PEAK1: variants seen among roughly 807,000 people sequenced by gnomAD.
PEAK1 encodes pseudopodium enriched atypical kinase 1.
A neutral mutation model predicts 124.7 loss-of-function variants in PEAK1; 54 were observed. That is an observed-to-expected ratio of 0.43 (90% CI 0.35 to 0.54). The LOEUF is 0.54. PEAK1 is among the 20% of genes least tolerant of loss of function. The pLI, the probability that PEAK1 is intolerant of heterozygous loss-of-function variation, is 0.01. For synonymous variants in PEAK1, 719 were observed against 760.0 expected (o/e 0.95, Z 0.89); for missense variants, 2,046 against 2,134.5 (o/e 0.96, Z 0.82).
At chr15:77,379,879 C>T (rs927387436) in intron 1 of PEAK1, among the ~76,000 whole-genome samples, 4 of 152,104 alleles carry the variant, frequency 2.6e-5, no homozygotes, top group Non-Finnish European at 5.9e-5. Context: ...GCCATCCTAT[C>T]CAAAATGCTG....
At chr15:77,115,628 G>C (rs2051302368) in intron 9 of PEAK1, among the ~76,000 whole-genome samples, 1 of 92,960 alleles carries the variant, frequency 1.1e-5, no homozygotes, top group African/African-American at 3.0e-5. Flanking sequence ...GCAAACCTAA[G>C]TTTGTTTAAT....
At position 77,284,600 on chromosome 15, in the gene PEAK1, A is replaced by T. The variant is rs139893561; in HGVS notation, c.-423+358T>A. Among the ~76,000 whole-genome samples the T allele has an allele frequency of 5.0e-3, 755 of 152,232 alleles. 6 individuals carry two copies. Among genetic ancestry groups the T allele is most frequent in the African/African-American group, 0.017 (713 of 41,532 alleles). On this transcript the variant is annotated intron_variant, in intron 4 of 9. Coordinates refer to ENST00000682557, the MANE Select transcript of PEAK1 (RefSeq NM_001385026.1). Reference sequence around the variant, plus strand: ...TCATGTAACCTAAATTACTTTTTCAAACTGGTTACAATGAAAAGCTTGTTA... The same window carrying T: ...TCATGTAACCTAAATTACTTTTTCATACTGGTTACAATGAAAAGCTTGTTA...
Position 77,114,266 on chromosome 15 carries a change from G to C in PEAK1, c.5131C>G (p.Leu1711Val), listed in dbSNP as rs747206025. ...AGGCTGATTCCACCTTCCCTGTCCA[G>C]GGACTTCTCAGCAAACTTGATCATG... Reference protein sequence around the residue: ...LLMIKFAEKSLDREGGISLED... With the variant: ...LLMIKFAEKSVDREGGISLED... Residue 1711 changes from leucine (L) to valine (V), a missense_variant, in exon 10 of 10, where the codon CTG becomes GTG. By Grantham distance (32) the Leu-to-Val change is conservative (BLOSUM62 1). Coordinates refer to ENST00000682557, the MANE Select transcript of PEAK1 (RefSeq NM_001385026.1). 3 of 1,614,118 alleles carry C rather than the reference G, an allele frequency of 1.9e-6. No homozygotes were observed. Among genetic ancestry groups the C allele is most frequent in the East Asian group, 2.2e-5 (1 of 44,896 alleles).
At chr15:77,334,531 C>T (rs1040713726) in intron 2 of PEAK1, 10 of 985,184 alleles carry the variant, frequency 1.0e-5, no homozygotes, top group Admixed American at 1.2e-4. Flanking sequence ...CTCTTTCATG[C>T]GAGAATTTAT....
chr15:77,177,556 C>T (rs946887814), intron 7 of PEAK1, among the ~76,000 whole-genome samples: 6 of 151,772 alleles, frequency 4.0e-5, no homozygotes, highest in Non-Finnish European at 2.9e-5. Flanking sequence ...TAAAGAAAAA[C>T]GGGTAAATCT....
intron 6 of PEAK1, among the ~76,000 whole-genome samples, chr15:77,197,208 G>A (rs1414034962): frequency 6.6e-6 from 1 of 151,994 alleles, no homozygotes; most frequent in Non-Finnish European, 1.5e-5. Context: ...CTGATACATG[G>A]CAATAGATAT....
chr15:77,208,931 T>C (rs569314106), intron 6 of PEAK1, among the ~76,000 whole-genome samples: 1 of 152,328 alleles, frequency 6.6e-6, no homozygotes, highest in East Asian at 1.9e-4. Context: ...CAATAAAACA[T>C]AGATGTTATC....
intron 2 of PEAK1, among the ~76,000 whole-genome samples, chr15:77,291,725 C>T (rs754444252): frequency 6.6e-6 from 1 of 152,030 alleles, no homozygotes; most frequent in Non-Finnish European, 1.5e-5. Flanking sequence ...CGCCTGTAAT[C>T]CCAGCACTTT....
At chr15:77,162,272 T>C (rs1200768391) in intron 7 of PEAK1, among the ~76,000 whole-genome samples, 2 of 151,986 alleles carry the variant, frequency 1.3e-5, no homozygotes, top group African/African-American at 2.4e-5. Context: ...TGCAGGTGGA[T>C]CACCTGAGGT....
At chr15:77,158,475 A>C (rs373089937) in intron 8 of PEAK1, 28 bp downstream of exon 8, 7 of 1,598,484 alleles carry the variant, frequency 4.4e-6, no homozygotes, top group Admixed American at 1.7e-5. Context: ...CAAAGTTTAA[A>C]TACTACTTAT....
chr15:77,134,698 G>T (rs1240154585), intron 8 of PEAK1, among the ~76,000 whole-genome samples: 1 of 152,104 alleles, frequency 6.6e-6, no homozygotes, highest in Non-Finnish European at 1.5e-5. Context: ...CTTCTATAAA[G>T]GCTATTAAAA....
chr15:77,404,262 C>T (rs2071616225), intron 1 of PEAK1: 2 of 985,356 alleles, frequency 2.0e-6, no homozygotes, highest in South Asian at 4.7e-5. Flanking sequence ...TCTTCTCATA[C>T]ACCTCTCCAG....
intron 2 of PEAK1, chr15:77,347,442 AT>A: frequency 1.0e-6 from 1 of 985,380 alleles, no homozygotes; most frequent in Non-Finnish European, 1.2e-6. Context: ...CAAAAGCAAT[AT>A]TGTTCTAGAT....
At chr15:77,381,053 C>G (rs907611238) in intron 1 of PEAK1, among the ~76,000 whole-genome samples, 7 of 152,210 alleles carry the variant, frequency 4.6e-5, no homozygotes, top group Non-Finnish European at 7.3e-5. Flanking sequence ...CTTCCCAAAC[C>G]CTGCTCTCCC....
At position 77,176,458 on chromosome 15, in the gene PEAK1, T is replaced by C. The variant is rs150424634; in HGVS notation, c.3137+2332A>G. Among the ~76,000 whole-genome samples, 3 of 152,208 alleles carry C rather than the reference T, an allele frequency of 2.0e-5. No homozygotes were observed. In the East Asian group the frequency reaches 5.8e-4, roughly 29 times the overall value. ...AGCATCAGTATCACCCAGGAACTTA[T>C]TAGAAGTGCAAATTATCAGGACCCA... On this transcript the variant is annotated intron_variant, in intron 7 of 9. Coordinates refer to ENST00000682557, the MANE Select transcript of PEAK1 (RefSeq NM_001385026.1).
chr15:77,335,478 A>G (rs1246253804), intron 2 of PEAK1: 1 of 985,122 alleles, frequency 1.0e-6, no homozygotes, highest in Non-Finnish European at 1.2e-6. Context: ...CATCACGTTG[A>G]TGCTTACTAC....
intron 5 of PEAK1, among the ~76,000 whole-genome samples, chr15:77,264,949 T>C (rs2061639358): frequency 1.3e-5 from 2 of 152,072 alleles, no homozygotes; most frequent in South Asian, 2.1e-4. Flanking sequence ...GAAATAACAC[T>C]GCATATCTGC....
chr15:77,331,018 CAACTT>C lies in PEAK1; in HGVS notation c.-603+34140_-603+34144del, dbSNP rs2065860675. On this transcript the variant is annotated intron_variant, in intron 2 of 9. Transcript: ENST00000682557. ...TCAAAGTATATCTAAAATTTACACT[CAACTT>C]TTGTCATTTACTATTAGCATTCCTA... 6.6e-6 allele frequency: 6 copies of C among 903,654 alleles called. No homozygotes were observed. The South Asian group carries it at 2.6e-4, about 38-fold the overall frequency. The allele number at this position is 903,654 out of a possible 1,614,324, so 56.0% of individuals were successfully genotyped here. A position where few individuals can be genotyped will look rare whatever the true frequency, so the allele number is the denominator to read the frequency against.
intron 1 of PEAK1, among the ~76,000 whole-genome samples, chr15:77,388,843 T>C (rs2070190903): frequency 1.3e-5 from 2 of 151,908 alleles, no homozygotes; most frequent in South Asian, 4.1e-4. Flanking sequence ...AGGCCTTATA[T>C]GAATTGTTTA....
Sources: allele counts gnomAD v4.1 joint callset (sites outside exome capture counted in the v4.1 genomes callset), GRCh38; gene constraint gnomAD v4.1.1; transcripts MANE v1.5; gene names NCBI Gene and HGNC (gene_info 2026-07-23, HGNC 2026-07-21).